Variants in PCDHGA3 observed in about 807,000 individuals in gnomAD.
PCDHGA3 encodes the protein protocadherin gamma-A3.
PCDHGA3 carries 40 observed loss-of-function variants against 58.5 expected under a neutral mutation model. That is an observed-to-expected ratio of 0.68 (90% confidence interval 0.53 to 0.89). PCDHGA3 has a LOEUF of 0.89. PCDHGA3 is among the 40% of genes least tolerant of loss of function. PCDHGA3 has a pLI of 0.00. For synonymous variants in PCDHGA3, 530 were observed against 525.7 expected (o/e 1.01, Z -0.11); for missense variants, 1,223 against 1,195.9 (o/e 1.02, Z -0.33).
At position 141,399,393 on chromosome 5, in the gene PCDHGA3, C is replaced by G. The variant is rs762678347; in HGVS notation, c.2424+52936C>G. 28 of 1,613,976 alleles carry G rather than the reference C, an allele frequency of 1.7e-5. No homozygotes were observed. In the Middle Eastern group the frequency reaches 2.8e-3, roughly 162 times the overall value. ...ACAATGTCACCATCACAGCCACAGA[C>G]AGGGGCAAGCCGCCCCTCTCCTCCA... On this transcript the variant is annotated intron_variant, in intron 1 of 3. Transcript: ENST00000253812.
In PCDHGA3 at chr5:141,413,182, G is replaced by C. The variant is rs752788034; in HGVS notation, c.2424+66725G>C. On this transcript the variant is annotated intron_variant, in intron 1 of 3. Transcript: ENST00000253812. ...ATTCTGTAACCAGACTACAATGGCCGCTCAAAGGAATCGCTCAAAGGAATC... is the reference window on the plus strand; with the variant it reads ...ATTCTGTAACCAGACTACAATGGCCCCTCAAAGGAATCGCTCAAAGGAATC... 3.1e-6 allele frequency: 5 copies of C among 1,604,164 alleles called. No homozygotes were observed. In the South Asian group the frequency reaches 5.5e-5, roughly 18 times the overall value.
At position 141,393,344 on chromosome 5, in the gene PCDHGA3, C is replaced by G. The variant is rs1428830318; in HGVS notation, c.2424+46887C>G. On this transcript the variant is annotated intron_variant, in intron 1 of 3. Transcript: ENST00000253812. ...GCTACCAGCTCAGCCCCAATCACCA[C>G]TTCTCCCTGGACGTGCAGACTGGAG... The G allele has an allele frequency of 9.9e-6, 16 of 1,613,888 alleles. No individual in the cohort carries two copies. The highest frequency in any genetic ancestry group is 1.2e-5 in the Non-Finnish European group (14 of 1,179,904).
chr5:141,426,492 T>C (rs1439487321), intron 1 of PCDHGA3: 2 of 336,712 alleles, frequency 5.9e-6, no homozygotes, highest in African/African-American at 4.3e-5. Context: ...TTAGAGTTAG[T>C]GCAGAGAAAC....
chr5:141,504,988 C>T (rs886919738), intron 2 of PCDHGA3, among the ~76,000 whole-genome samples: 2 of 152,036 alleles, frequency 1.3e-5, no homozygotes, highest in African/African-American at 4.8e-5. Context: ...ATGGTGAAAC[C>T]CCGTCTGTAC....
intron 1 of PCDHGA3, among the ~76,000 whole-genome samples, chr5:141,369,779 C>G (rs2149951458): frequency 6.6e-6 from 1 of 152,242 alleles, no homozygotes; most frequent in South Asian, 2.1e-4. Flanking sequence ...TATTTCAAGC[C>G]TCTTTATACT....
At position 141,478,147 on chromosome 5, in the gene PCDHGA3, C is replaced by T. The variant is rs199689679; in HGVS notation, c.2425-16660C>T. On this transcript the variant is annotated intron_variant, in intron 1 of 3. Transcript: ENST00000253812. The stretch of plus-strand genomic sequence containing the variant: ...ACTCTCCTGAAGCCCGAGCCGAGTT[C>T]CCCTCTGGCTCTGCCCCCCGGGAGC... The T allele has an allele frequency of 2.0e-5, 32 of 1,614,076 alleles. 1 individual carries two copies. In the East Asian group the frequency reaches 5.3e-4, roughly 27 times the overall value.
At chr5:141,427,400 A>T in intron 1 of PCDHGA3, 1 of 461,200 alleles carries the variant, frequency 2.2e-6, no homozygotes, top group Non-Finnish European at 4.3e-6. Context: ...CACATGATAA[A>T]GATTCGAGAG....
chr5:141,374,116 C>T (rs1328761924), intron 1 of PCDHGA3: 2 of 1,580,576 alleles, frequency 1.3e-6, no homozygotes, highest in Non-Finnish European at 1.7e-6. Flanking sequence ...CGCAGCGCAG[C>T]GAGCAGGTCC....
intron 1 of PCDHGA3, among the ~76,000 whole-genome samples, chr5:141,457,015 A>T (rs1216403373): frequency 6.6e-6 from 1 of 152,182 alleles, no homozygotes; most frequent in Admixed American, 6.5e-5. Context: ...AATCCAATAA[A>T]AAGTCCTAGT....
chr5:141,419,397 T>G (rs1280096838), intron 1 of PCDHGA3: 3 of 1,613,312 alleles, frequency 1.9e-6, no homozygotes. Flanking sequence ...CAGAGCGGGG[T>G]GGTGTTCGCG....
At chr5:141,372,218 T>A (rs1370078185) in intron 1 of PCDHGA3, 10 of 1,613,426 alleles carry the variant, frequency 6.2e-6, no homozygotes, top group East Asian at 4.5e-5. Context: ...CCTACCACAT[T>A]GTGCAGGCCA....
At chr5:141,462,800 A>C (rs1039129881) in intron 1 of PCDHGA3, among the ~76,000 whole-genome samples, 2 of 152,128 alleles carry the variant, frequency 1.3e-5, no homozygotes, top group Non-Finnish European at 2.9e-5. Flanking sequence ...TTGCATGTCT[A>C]ATAATGTTTT....
At chr5:141,465,779 G>GTT (rs879859429) in intron 1 of PCDHGA3, among the ~76,000 whole-genome samples, 3 of 145,118 alleles carry the variant, frequency 2.1e-5, no homozygotes, top group Non-Finnish European at 3.0e-5. Context: ...TCTTGTTACA[G>GTT]TTTTTTTTTT....
intron 1 of PCDHGA3, chr5:141,395,872 T>G (rs950924655): frequency 2.0e-5 from 3 of 152,138 alleles, no homozygotes; most frequent in Non-Finnish European, 4.4e-5. Context: ...ATTAAGTATG[T>G]GAGTCAGTGG....
intron 1 of PCDHGA3, chr5:141,364,730 C>A: frequency 1.9e-6 from 3 of 1,613,838 alleles, no homozygotes; most frequent in South Asian, 1.1e-5. Flanking sequence ...CCCGCGTTTC[C>A]GGGATGAAGA....
At chr5:141,371,390 A>G in intron 1 of PCDHGA3, 1 of 1,614,000 alleles carries the variant, frequency 6.2e-7, no homozygotes, top group East Asian at 2.2e-5. Flanking sequence ...CATATTGTAA[A>G]GTACAGATAG....
rs766348365 is a variant in PCDHGA3, at chr5:141,360,614, C to T, written c.2424+14157C>T. The T allele has an allele frequency of 6.2e-6, 10 of 1,613,920 alleles. No individual in the cohort carries two copies. The Admixed American group carries it at 1.3e-4, about 22-fold the overall frequency. On this transcript the variant is annotated intron_variant, in intron 1 of 3. Coordinates refer to ENST00000253812, the MANE Select transcript of PCDHGA3 (RefSeq NM_018916.4). ...TTTCCACTTGACCCAGCCCTGGATT[C>T]AGATGTTGGTCCTAACTCACTACAA...
intron 1 of PCDHGA3, chr5:141,418,797 A>T (rs201246978): frequency 1.9e-6 from 3 of 1,613,896 alleles, no homozygotes; most frequent in Non-Finnish European, 2.5e-6. Flanking sequence ...GAAGAAGTAG[A>T]AAGATATACG....
At chr5:141,405,104 C>T in intron 1 of PCDHGA3, 1 of 1,613,940 alleles carries the variant, frequency 6.2e-7, no homozygotes, top group Non-Finnish European at 8.5e-7. Flanking sequence ...CAGGCTGAGG[C>T]ACTGGCACTC....
Sources: gnomAD v4.1 joint callset for allele counts (sites outside exome capture counted in the v4.1 genomes callset) on GRCh38, gnomAD v4.1.1 for gene constraint, MANE v1.5 for transcripts, NCBI Gene and HGNC (gene_info 2026-07-23, HGNC 2026-07-21) for gene names.